ABCC4: variants seen among roughly 807,000 people sequenced by gnomAD.
ABCC4 encodes ATP binding cassette subfamily C member 4 (PEL blood group).
Under a neutral mutation model 168.5 loss-of-function variants are expected in ABCC4, and 102 were observed. The observed-to-expected ratio is 0.61, with a 90% CI of 0.52 to 0.71. ABCC4 has a LOEUF of 0.71. Among genes scored for constraint, ABCC4 ranks in the 30% least tolerant of loss-of-function variants. The pLI is 0.00. For synonymous variants in ABCC4, 617 were observed against 590.7 expected (o/e 1.04, Z -0.65); for missense variants, 1,402 against 1,605.8 (o/e 0.87, Z 2.17).
intron 1 of ABCC4, among the ~76,000 whole-genome samples, chr13:95,266,499 T>A (rs1350673773): frequency 1.3e-5 from 2 of 152,194 alleles, no homozygotes; most frequent in African/African-American, 4.8e-5. Context: ...TAGGAATTTG[T>A]TATGGCAGCC....
At chr13:95,145,568 G>A (rs2036464595) in intron 19 of ABCC4, among the ~76,000 whole-genome samples, 1 of 149,266 alleles carries the variant, frequency 6.7e-6, no homozygotes, top group African/African-American at 2.5e-5. Flanking sequence ...AGGTTACAGT[G>A]AGCTGAGATC....
Position 95,075,484 on chromosome 13 carries a change from T to C in ABCC4, c.2754A>G (p.Lys918=), listed in dbSNP as rs1264162787. 6.2e-7 allele frequency: 1 copy of C among 1,614,096 alleles called. No homozygotes were observed. Among genetic ancestry groups the C allele is most frequent in the Non-Finnish European group, 8.5e-7 (1 of 1,179,996 alleles). ...ACAGTTCCTGACACCTCTCTTCTGC[T>C]TTGTATGCCCGGATGGTCCAGAGCC... ...LQGLWTIRAY[K]AEERCQELFD... The change falls in exon 22 of 31, where the codon AAA becomes AAG. Residue 918 remains lysine, a synonymous_variant. Coordinates refer to ENST00000645237, the MANE Select transcript of ABCC4 (RefSeq NM_005845.5).
intron 1 of ABCC4, among the ~76,000 whole-genome samples, chr13:95,299,741 C>A (rs565578347): frequency 2.9e-4 from 44 of 151,994 alleles, no homozygotes; most frequent in Non-Finnish European, 6.0e-4. Context: ...AAAGATGAGG[C>A]GGCAGAGGTC....
At chr13:95,261,099 G>A (rs1303523184) in intron 1 of ABCC4, among the ~76,000 whole-genome samples, 1 of 151,970 alleles carries the variant, frequency 6.6e-6, no homozygotes, top group Non-Finnish European at 1.5e-5. Context: ...TTTTGTAAAT[G>A]TCCTATTTCA....
rs546584439 is a variant in ABCC4 at position 95,164,416 on chromosome 13, C to T, written c.2137G>A (p.Val713Ile). 34 of 1,614,146 alleles carry T rather than the reference C, an allele frequency of 2.1e-5. No individual in the cohort carries two copies. In the Middle Eastern group the frequency reaches 6.6e-4, roughly 31 times the overall value. ...NYFRAGAHWI[V>I]FIFLILLNTA... ...TTTAGGAGAATAAGGAAAATGAAGA[C>T]AATCCAGTGAGCACCAGCTCTGAAG... Residue 713 changes from valine (V) to isoleucine (I), a missense_variant, in exon 16 of 31, where the codon GTC becomes ATC. This residue lies in a region of ABCC4 where 1,007 missense variants were observed against 1,127.3 expected (regional missense o/e 0.89). Transcript: ENST00000645237.
At chr13:95,121,644 A>C (rs949829672) in intron 19 of ABCC4, among the ~76,000 whole-genome samples, 1 of 152,012 alleles carries the variant, frequency 6.6e-6, no homozygotes, top group Non-Finnish European at 1.5e-5. Context: ...TTGAGGCTCA[A>C]GCAATCTGCT....
chr13:95,274,631 C>T (rs1282143081), intron 1 of ABCC4, among the ~76,000 whole-genome samples: 2 of 152,202 alleles, frequency 1.3e-5, no homozygotes, highest in Admixed American at 6.5e-5. Context: ...CAGGCTCCTA[C>T]AGGGGGGACC....
At position 95,075,466 on chromosome 13, in the gene ABCC4, C is replaced by T. The variant is rs2033865055; in HGVS notation, c.2772G>A (p.Gln924=). The change falls in exon 22 of 31, where the codon CAG becomes CAA. Residue 924 remains glutamine (Q), a synonymous_variant. Coordinates refer to ENST00000645237, the MANE Select transcript of ABCC4 (RefSeq NM_005845.5). ...AATCCTGGTGTGCATCAAACAGTTC[C>T]TGACACCTCTCTTCTGCTTTGTATG... ...IRAYKAEERC[Q]ELFDAHQDLH... is the part of the protein sequence containing the mutation. 6.2e-7 allele frequency: 1 copy of T among 1,614,106 alleles called. No homozygotes were observed. The highest frequency in any genetic ancestry group is 1.1e-5 in the South Asian group (1 of 91,082).
At chr13:95,123,708 T>A (rs2035654953) in intron 19 of ABCC4, among the ~76,000 whole-genome samples, 1 of 152,106 alleles carries the variant, frequency 6.6e-6, no homozygotes, top group Non-Finnish European at 1.5e-5. Context: ...AATAGATACA[T>A]GTAAGTGAGC....
chr13:95,051,881 G>A (rs1003969390), intron 27 of ABCC4, among the ~76,000 whole-genome samples: 3 of 152,046 alleles, frequency 2.0e-5, no homozygotes, highest in African/African-American at 4.8e-5. Context: ...TGGCCAGGCT[G>A]GTCTGGAACT....
At chr13:95,230,847 T>C (rs1266223430) in intron 4 of ABCC4, among the ~76,000 whole-genome samples, 3 of 152,172 alleles carry the variant, frequency 2.0e-5, no homozygotes, top group African/African-American at 4.8e-5. Flanking sequence ...CATAGCAGCA[T>C]TGTTCACAAT....
intron 30 of ABCC4, among the ~76,000 whole-genome samples, chr13:95,024,217 A>AAC (rs1223499825): frequency 6.6e-6 from 1 of 151,926 alleles, no homozygotes; most frequent in Admixed American, 6.6e-5. Context: ...AAAAAAAAAA[A>AAC]AAAAAAAAAA....
At chr13:95,298,626 CTTTAAGAAT>C (rs2041597618) in intron 1 of ABCC4, among the ~76,000 whole-genome samples, 1 of 152,202 alleles carries the variant, frequency 6.6e-6, no homozygotes, top group African/African-American at 2.4e-5. Context: ...ACTGCAGGTA[CTTTAAGAAT>C]TTCCCTTGAG....
chr13:95,282,160 G>A (rs993261195), intron 1 of ABCC4, among the ~76,000 whole-genome samples: 5 of 146,734 alleles, frequency 3.4e-5, no homozygotes, highest in African/African-American at 1.3e-4. Flanking sequence ...AAAAATCCCC[G>A]TCTTCAAATA....
intron 20 of ABCC4, among the ~76,000 whole-genome samples, chr13:95,091,757 C>CAA (rs60205363): frequency 7.3e-5 from 11 of 151,522 alleles, no homozygotes; most frequent in South Asian, 4.2e-4. Flanking sequence ...CAAAAACAAA[C>CAA]AAAAAAAACA....
chr13:95,228,669 C>A (rs2039535012), intron 4 of ABCC4, among the ~76,000 whole-genome samples: 1 of 151,686 alleles, frequency 6.6e-6, no homozygotes, highest in African/African-American at 2.4e-5. Flanking sequence ...GAAGCTGAGG[C>A]ATGGGAATCA....
chr13:95,129,086 G>A (rs961977529), intron 19 of ABCC4, among the ~76,000 whole-genome samples: 1 of 152,188 alleles, frequency 6.6e-6, no homozygotes, highest in South Asian at 2.1e-4. Flanking sequence ...ATCTGAATGA[G>A]AGATCACGAA....
intron 12 of ABCC4, 79 bp from the exon 13 acceptor site, chr13:95,177,872 C>T (rs925417707): frequency 5.3e-6 from 8 of 1,508,906 alleles, no homozygotes; most frequent in Admixed American, 5.1e-5. Flanking sequence ...ATTCAAATGC[C>T]AACAGAATAA....
Position 95,164,435 on chromosome 13 carries a change from T to C in ABCC4, c.2118A>G (p.Arg706=). ...VGFQAYKNYF[R]AGAHWIVFIF... Reference sequence around the variant, plus strand: ...TGAAGACAATCCAGTGAGCACCAGCTCTGAAGTAATTCTTATAGGCCTGAA... The same window carrying C: ...TGAAGACAATCCAGTGAGCACCAGCCCTGAAGTAATTCTTATAGGCCTGAA... Residue 706 remains arginine (R), a synonymous_variant, in exon 16 of 31, where the codon AGA becomes AGG. Transcript: ENST00000645237. The C allele has an allele frequency of 6.2e-7, 1 of 1,614,194 alleles. No homozygotes were observed. Among genetic ancestry groups the C allele is most frequent in the Non-Finnish European group, 8.5e-7 (1 of 1,180,026 alleles).
Sources: allele counts gnomAD v4.1 joint callset (sites outside exome capture counted in the v4.1 genomes callset), GRCh38; gene constraint gnomAD v4.1.1; regional missense constraint gnomAD v4.1.1; transcripts MANE v1.5; gene names NCBI Gene and HGNC (gene_info 2026-07-23, HGNC 2026-07-21).